CUL1: variants seen among roughly 807,000 people sequenced by gnomAD.
The protein encoded by CUL1 is cullin-1.
CUL1 carries 24 observed loss-of-function variants against 118.0 expected under a neutral mutation model. The ratio of observed to expected loss-of-function variants is 0.20; its 90% CI spans 0.15 to 0.29. The LOEUF (loss-of-function observed/expected upper bound fraction) is 0.29, where lower values mean the gene tolerates loss of function less well. Among genes scored for constraint, CUL1 ranks in the 10% least tolerant of loss-of-function variants. The pLI, the probability that CUL1 is intolerant of heterozygous loss-of-function variation, is 1.00. For synonymous variants in CUL1, 332 were observed against 340.4 expected, an observed-to-expected ratio of 0.98 and a Z score of 0.27; for missense variants, 361 against 933.8, an observed-to-expected ratio of 0.39 and a Z score of 7.99.
intron 1 of CUL1, among the ~76,000 whole-genome samples, chr7:148,709,292 GAA>G (rs1249381010): frequency 2.0e-5 from 3 of 152,156 alleles, no homozygotes; most frequent in Non-Finnish European, 4.4e-5. Context: ...TTGGCAAAAA[GAA>G]AAATAGTCCT....
chr7:148,784,339 C>A (rs997865581), intron 11 of CUL1, among the ~76,000 whole-genome samples: 1 of 152,196 alleles, frequency 6.6e-6, no homozygotes, highest in Non-Finnish European at 1.5e-5. Context: ...ACCCTGTTCG[C>A]TTCTGAGATC....
At chr7:148,796,668 T>C (rs574724154) in intron 17 of CUL1, among the ~76,000 whole-genome samples, 50 of 152,276 alleles carry the variant, frequency 3.3e-4, no homozygotes, top group South Asian at 2.9e-3. Context: ...CTGTCAGGTC[T>C]TTGCTTGGCT....
At chr7:148,745,376 C>G (rs915214680) in intron 2 of CUL1, among the ~76,000 whole-genome samples, 14 of 152,154 alleles carry the variant, frequency 9.2e-5, no homozygotes, top group Admixed American at 2.0e-4. Flanking sequence ...GAGTGGATCT[C>G]ATTTTCCTGT....
chr7:148,705,746 C>G (rs1563144955), intron 1 of CUL1, among the ~76,000 whole-genome samples: 1 of 152,100 alleles, frequency 6.6e-6, no homozygotes, highest in African/African-American at 2.4e-5. Context: ...AGGGAATAGA[C>G]ATGAAGACTA....
intron 1 of CUL1, among the ~76,000 whole-genome samples, chr7:148,705,744 G>A (rs1797859192): frequency 6.6e-6 from 1 of 152,136 alleles, no homozygotes; most frequent in South Asian, 2.1e-4. Context: ...TCAGGGAATA[G>A]ACATGAAGAC....
chr7:148,748,025 C>T (rs1799358454), intron 2 of CUL1, among the ~76,000 whole-genome samples: 1 of 152,018 alleles, frequency 6.6e-6, no homozygotes, highest in Non-Finnish European at 1.5e-5. Context: ...GTAAAGTGGG[C>T]ATGTCATATT....
intron 2 of CUL1, among the ~76,000 whole-genome samples, chr7:148,751,450 G>A (rs1485107479): frequency 2.7e-5 from 4 of 148,744 alleles, no homozygotes; most frequent in African/African-American, 1.0e-4. Flanking sequence ...CAGGAGAATC[G>A]CTTGATCCCG....
intron 17 of CUL1, among the ~76,000 whole-genome samples, chr7:148,795,520 A>G (rs576917274): frequency 6.6e-5 from 10 of 152,120 alleles, no homozygotes; most frequent in African/African-American, 2.2e-4. Context: ...TAATCCCAGC[A>G]CTTTGGGAGC....
intron 2 of CUL1, among the ~76,000 whole-genome samples, chr7:148,748,840 A>G (rs1799387480): frequency 1.3e-5 from 2 of 152,306 alleles, no homozygotes; most frequent in African/African-American, 2.4e-5. Flanking sequence ...ATGAAATTAA[A>G]TTTTTTTGAA....
rs1026143729 is a variant in CUL1, at chr7:148,798,503, A to T, written c.2031-69A>T. The T allele has an allele frequency of 2.8e-5, 33 of 1,186,278 alleles. 2 individuals are homozygous for T. Among genetic ancestry groups the T allele is most frequent in the South Asian group, 2.8e-4 (22 of 79,772 alleles). 73.5% of individuals were successfully genotyped at this position (1,186,278 alleles called of 1,614,324 possible). ...GCAGGGCACTTCTTAAAGGTTGAAA[A>T]ATAGAAAGCAGCCTTCACTGCCTAC... is the stretch of plus-strand genomic sequence containing the variant. On this transcript the variant is annotated intron_variant, in intron 19 of 21. Coordinates refer to ENST00000325222, the MANE Select transcript of CUL1 (RefSeq NM_003592.3).
At chr7:148,708,551 G>T (rs1208393521) in intron 1 of CUL1, among the ~76,000 whole-genome samples, 1 of 152,208 alleles carries the variant, frequency 6.6e-6, no homozygotes, top group African/African-American at 2.4e-5. Flanking sequence ...TGATTACAGA[G>T]GCTCTCCAGG....
chr7:148,777,719 G>A (rs1353191771), intron 9 of CUL1, among the ~76,000 whole-genome samples: 1 of 151,994 alleles, frequency 6.6e-6, no homozygotes, highest in Non-Finnish European at 1.5e-5. Flanking sequence ...AGAGGCTTTG[G>A]GGGAGGAGCA....
intron 7 of CUL1, among the ~76,000 whole-genome samples, chr7:148,762,142 A>G (rs1036612916): frequency 1.3e-5 from 2 of 152,188 alleles, no homozygotes; most frequent in Non-Finnish European, 2.9e-5. Flanking sequence ...GATCTTTCCA[A>G]GCCTGACACC....
chr7:148,799,409 G>A (rs754027384), intron 21 of CUL1, 21 bp downstream of exon 21: 1 of 1,440,340 alleles, frequency 6.9e-7, no homozygotes, highest in East Asian at 2.3e-5. Context: ...TTACATAGCA[G>A]TCACATTCCT....
At chr7:148,721,774 G>A (rs968249068) in intron 1 of CUL1, among the ~76,000 whole-genome samples, 3 of 151,954 alleles carry the variant, frequency 2.0e-5, no homozygotes, top group Non-Finnish European at 4.4e-5. Context: ...GAAGCGTGTA[G>A]CTGAAGTTGG....
chr7:148,754,227 A>G, intron 3 of CUL1, 77 bp downstream of exon 3: 2 of 963,302 alleles, frequency 2.1e-6, no homozygotes, highest in African/African-American at 1.7e-5. Context: ...AACTTGTTAA[A>G]TCTTTCACTG....
intron 1 of CUL1, among the ~76,000 whole-genome samples, chr7:148,715,451 A>G (rs1163645850): frequency 6.6e-6 from 1 of 152,076 alleles, no homozygotes; most frequent in South Asian, 2.1e-4. Flanking sequence ...TTTACCTTCA[A>G]CCTTAACACT....
Position 148,698,913 on chromosome 7 carries a change from G to C in CUL1, c.-278G>C, listed in dbSNP as rs531026435. The stretch of plus-strand genomic sequence containing the variant: ...GTCGCACGCAGCTCCAGGCGGGGCA[G>C]CCCCGGTAGCTGAGGGACGCAGCTA... On this transcript the variant is annotated 5_prime_UTR_variant, in exon 1 of 22. Transcript: ENST00000325222. 1.9e-5 allele frequency: 3 copies of C among 153,866 alleles called. No individual in the cohort carries two copies. The highest frequency in any genetic ancestry group is 4.4e-5 in the Non-Finnish European group (3 of 68,878). 9.5% of individuals were successfully genotyped at this position (153,866 alleles called of 1,614,324 possible). A position where few individuals can be genotyped will look rare whatever the true frequency, so the allele number is the denominator to read the frequency against.
chr7:148,703,273 G>A (rs1177643341), intron 1 of CUL1, among the ~76,000 whole-genome samples: 1 of 152,190 alleles, frequency 6.6e-6, no homozygotes, highest in Non-Finnish European at 1.5e-5. Context: ...GTAACATTGT[G>A]GGAGAGTAAT....
Sources: gnomAD v4.1 joint callset for allele counts (sites outside exome capture counted in the v4.1 genomes callset) on GRCh38, gnomAD v4.1.1 for gene constraint, MANE v1.5 for transcripts, NCBI Gene and HGNC (gene_info 2026-07-23, HGNC 2026-07-21) for gene names.